The following CCDC148 variants were observed in gnomAD, a reference collection of about 807,000 sequenced individuals.
CCDC148 encodes the protein coiled-coil domain containing 148, also known as coiled-coil domain-containing protein 148.
CCDC148 carries 89 observed loss-of-function variants against 85.7 expected under a neutral mutation model. That is an observed-to-expected ratio of 1.04 (90% confidence interval 0.87 to 1.24). The LOEUF (loss-of-function observed/expected upper bound fraction) is 1.24, where lower values mean the gene tolerates loss of function less well. Among genes scored for constraint, CCDC148 ranks in the 50% most tolerant of loss-of-function variants. The probability of loss-of-function intolerance (pLI) is 0.00; values close to 1 mark genes in which losing one functional copy is unlikely to be tolerated. For synonymous variants in CCDC148, 230 were observed against 213.9 expected, an observed-to-expected ratio of 1.08 and a Z score of -0.66; for missense variants, 692 against 671.7, an observed-to-expected ratio of 1.03 and a Z score of -0.33.
At chr2:158,255,578 G>A (rs1688979355) in intron 9 of CCDC148, among the ~76,000 whole-genome samples, 1 of 151,726 alleles carries the variant, frequency 6.6e-6, no homozygotes, top group South Asian at 2.1e-4. Context: ...AAGAAAGCTG[G>A]CAGGTGGGCA....
chr2:158,454,269 A>G (rs951405475), intron 1 of CCDC148, among the ~76,000 whole-genome samples: 35 of 152,320 alleles, frequency 2.3e-4, no homozygotes, highest in African/African-American at 8.2e-4. Context: ...GGTAGGGTAG[A>G]AGGAAGGTGG....
chr2:158,311,408 C>T (rs1295439920), intron 8 of CCDC148, among the ~76,000 whole-genome samples: 1 of 151,714 alleles, frequency 6.6e-6, no homozygotes, highest in Non-Finnish European at 1.5e-5. Context: ...TGCAGTGAGC[C>T]GAGATCGCGG....
intron 1 of CCDC148, among the ~76,000 whole-genome samples, chr2:158,424,231 G>T (rs1332257809): frequency 6.6e-6 from 1 of 152,152 alleles, no homozygotes; most frequent in Non-Finnish European, 1.5e-5. Flanking sequence ...ACACCCAAAG[G>T]ATTATAAATC....
At chr2:158,438,827 A>C (rs543028316) in intron 1 of CCDC148, among the ~76,000 whole-genome samples, 1 of 152,332 alleles carries the variant, frequency 6.6e-6, no homozygotes, top group Admixed American at 6.5e-5. Context: ...ATATGAACAG[A>C]CACTTCTCAA....
chr2:158,335,392 C>T lies in CCDC148; in HGVS notation c.764+3334G>A, dbSNP rs1267455057. Reference sequence around the variant, plus strand: ...TTACTTTATCCTCAATGTTCCTTTCCTCTGCAGAAATATTAGCATGTGTAT... The same window carrying T: ...TTACTTTATCCTCAATGTTCCTTTCTTCTGCAGAAATATTAGCATGTGTAT... On this transcript the variant is annotated intron_variant, in intron 7 of 13. Coordinates refer to ENST00000283233, the MANE Select transcript of CCDC148 (RefSeq NM_138803.4). Among the ~76,000 whole-genome samples, 6 of 152,122 alleles carry T rather than the reference C, an allele frequency of 3.9e-5. No homozygotes were observed. The East Asian group carries it at 1.2e-3, about 29-fold the overall frequency.
chr2:158,215,639 C>T (rs1332359096), intron 11 of CCDC148, among the ~76,000 whole-genome samples: 1 of 151,864 alleles, frequency 6.6e-6, no homozygotes, highest in Non-Finnish European at 1.5e-5. Flanking sequence ...TGGTGTGCTG[C>T]ACCTTTTTCT....
At chr2:158,448,918 C>T (rs1432943890) in intron 1 of CCDC148, among the ~76,000 whole-genome samples, 1 of 152,142 alleles carries the variant, frequency 6.6e-6, no homozygotes, top group Non-Finnish European at 1.5e-5. Context: ...ACCTCCGCCT[C>T]CCAAGTTCAA....
At chr2:158,345,908 C>CA (rs1294231369) in intron 2 of CCDC148, among the ~76,000 whole-genome samples, 1 of 152,074 alleles carries the variant, frequency 6.6e-6, no homozygotes, top group Non-Finnish European at 1.5e-5. Context: ...CTTGAACACA[C>CA]AATTTTAGTC....
intron 11 of CCDC148, among the ~76,000 whole-genome samples, chr2:158,187,631 C>A (rs1240641792): frequency 6.6e-6 from 1 of 152,042 alleles, no homozygotes; most frequent in Non-Finnish European, 1.5e-5. Flanking sequence ...GACCTGTCTG[C>A]AATGCCTGGT....
chr2:158,416,173 G>A (rs965130288), intron 1 of CCDC148, among the ~76,000 whole-genome samples: 3 of 152,218 alleles, frequency 2.0e-5, no homozygotes, highest in African/African-American at 7.2e-5. Flanking sequence ...CTGGGACACA[G>A]GGAGCAGTGT....
chr2:158,393,049 T>A (rs1685379764), intron 1 of CCDC148, among the ~76,000 whole-genome samples: 1 of 150,822 alleles, frequency 6.6e-6, no homozygotes, highest in African/African-American at 2.5e-5. Context: ...GAAGGTAGTT[T>A]TAGTTTAAAA....
At chr2:158,299,126 A>G (rs1691327760) in intron 9 of CCDC148, among the ~76,000 whole-genome samples, 1 of 152,120 alleles carries the variant, frequency 6.6e-6, no homozygotes, top group African/African-American at 2.4e-5. Context: ...CCCCTACGGC[A>G]TGGCCTTTCT....
chr2:158,319,803 G>T (rs6737548), intron 7 of CCDC148, among the ~76,000 whole-genome samples: 25,601 of 152,106 alleles, frequency 0.17, 3,482 homozygotes, highest in African/African-American at 0.38. Context: ...CATGGGGAGA[G>T]ACCAGCATCT....
chr2:158,320,737 A>T (rs1692483108), intron 7 of CCDC148, among the ~76,000 whole-genome samples: 2 of 152,160 alleles, frequency 1.3e-5, no homozygotes, highest in African/African-American at 4.8e-5. Context: ...ATTTGATTTC[A>T]CACCCAGTGA....
chr2:158,254,711 A>G (rs1015016325), intron 9 of CCDC148, among the ~76,000 whole-genome samples: 1 of 151,638 alleles, frequency 6.6e-6, no homozygotes, highest in Non-Finnish European at 1.5e-5. Context: ...TTTAATGAAA[A>G]TAAGTTAGGG....
chr2:158,255,014 T>C (rs1392783047), intron 9 of CCDC148, among the ~76,000 whole-genome samples: 2 of 150,418 alleles, frequency 1.3e-5, no homozygotes, highest in Non-Finnish European at 3.0e-5. Context: ...TAAAGTTATG[T>C]TGATTTTTAA....
intron 1 of CCDC148, among the ~76,000 whole-genome samples, chr2:158,450,661 G>C (rs1214361486): frequency 6.6e-6 from 1 of 152,048 alleles, no homozygotes; most frequent in Non-Finnish European, 1.5e-5. Flanking sequence ...TCTAATGAGA[G>C]GTCAGCTGTT....
chr2:158,237,827 G>T (rs1232907171), intron 10 of CCDC148, among the ~76,000 whole-genome samples: 1 of 152,112 alleles, frequency 6.6e-6, no homozygotes, highest in Non-Finnish European at 1.5e-5. Context: ...AGACTCCAAA[G>T]CTTAGAAGAT....
rs188977792 is a variant in CCDC148 at position 158,296,802 on chromosome 2, T to C, written c.1110+12631A>G. 2.7e-3 allele frequency among the ~76,000 whole-genome samples: 404 copies of C among 152,320 alleles called. 3 individuals are homozygous for C. Among genetic ancestry groups the C allele is most frequent in the African/African-American group, 9.0e-3 (374 of 41,564 alleles). On this transcript the variant is annotated intron_variant, in intron 9 of 13. Coordinates refer to ENST00000283233, the MANE Select transcript of CCDC148 (RefSeq NM_138803.4). Reference sequence around the variant, plus strand: ...CTTGGAATATTTTACTTGGAACTAATATGTAGATTCATCAAGTCCTCGAAC... The same window carrying C: ...CTTGGAATATTTTACTTGGAACTAACATGTAGATTCATCAAGTCCTCGAAC...
Sources: gnomAD v4.1 joint callset for allele counts (sites outside exome capture counted in the v4.1 genomes callset) on GRCh38, gnomAD v4.1.1 for gene constraint, MANE v1.5 for transcripts, NCBI Gene and HGNC (gene_info 2026-07-23, HGNC 2026-07-21) for gene names.